The following SERPINE2 variants were observed in gnomAD, a reference collection of about 807,000 sequenced individuals.
SERPINE2 encodes the protein serpin family E member 2.
In SERPINE2, 14 loss-of-function variants were observed where a neutral mutation model predicts 36.3. The observed-to-expected ratio is 0.39, with a 90% CI of 0.25 to 0.60. SERPINE2 has a LOEUF of 0.60. SERPINE2 is among the 20% of genes least tolerant of loss of function. SERPINE2 has a pLI of 0.57. For missense variants in SERPINE2, 418 were observed against 499.6 expected (o/e 0.84, Z 1.56); for synonymous variants, 192 against 191.8 (o/e 1.00, Z -0.01).
intron 1 of SERPINE2, among the ~76,000 whole-genome samples, chr2:224,006,805 G>GA (rs748477937): frequency 1.3e-5 from 2 of 152,220 alleles, no homozygotes; most frequent in Non-Finnish European, 2.9e-5. Flanking sequence ...CAGGAAAAAT[G>GA]AAAAAGAGTG....
intron 1 of SERPINE2, among the ~76,000 whole-genome samples, chr2:224,016,238 G>A (rs930081951): frequency 6.6e-6 from 1 of 152,208 alleles, no homozygotes; most frequent in African/African-American, 2.4e-5. Flanking sequence ...AGTGGCTCAC[G>A]CCTGTAATCC....
chr2:223,983,819 T>C (rs910863206), intron 5 of SERPINE2, among the ~76,000 whole-genome samples: 3 of 151,424 alleles, frequency 2.0e-5, no homozygotes, highest in African/African-American at 7.3e-5. Context: ...TCTCATCCTG[T>C]GGAAGAGCAC....
At position 223,995,075 on chromosome 2, in the gene SERPINE2, T is replaced by A. The variant is rs115044265; in HGVS notation, c.487+3040A>T. Among the ~76,000 whole-genome samples, 631 of 152,192 alleles carry A rather than the reference T, an allele frequency of 4.1e-3. 4 individuals are homozygous for A. Among genetic ancestry groups the A allele is most frequent in the African/African-American group, 0.015 (610 of 41,512 alleles). On this transcript the variant is annotated intron_variant, in intron 3 of 8. Coordinates refer to ENST00000409304, the MANE Select transcript of SERPINE2 (RefSeq NM_001136528.2). Reference sequence around the variant, plus strand: ...GGAGAGAAGGCAGCAGGAGTGTATGTGTGCGGTTCTCCAACAGGAGACAGG... The same window carrying A: ...GGAGAGAAGGCAGCAGGAGTGTATGAGTGCGGTTCTCCAACAGGAGACAGG...
At chr2:224,033,484 G>C (rs1047369597) in intron 1 of SERPINE2, among the ~76,000 whole-genome samples, 4 of 152,044 alleles carry the variant, frequency 2.6e-5, no homozygotes, top group Admixed American at 6.6e-5. Flanking sequence ...AGAATTTATA[G>C]GTTTTAAAAA....
intron 1 of SERPINE2, among the ~76,000 whole-genome samples, chr2:224,005,377 T>G (rs1240579092): frequency 6.6e-6 from 1 of 152,042 alleles, no homozygotes; most frequent in Non-Finnish European, 1.5e-5. Context: ...TGTGCAGAAC[T>G]TGGAATCAGA....
chr2:223,978,099 T>G (rs1410702683), intron 7 of SERPINE2: 1 of 155,598 alleles, frequency 6.4e-6, no homozygotes, highest in East Asian at 1.9e-4. Flanking sequence ...TGGCGCGATC[T>G]TGGCTCACTG....
chr2:224,014,965 T>C (rs1290925978), intron 1 of SERPINE2, among the ~76,000 whole-genome samples: 1 of 152,056 alleles, frequency 6.6e-6, no homozygotes, highest in Non-Finnish European at 1.5e-5. Flanking sequence ...CAGGGAGCAT[T>C]TGGCACTATC....
intron 1 of SERPINE2, among the ~76,000 whole-genome samples, chr2:224,032,294 C>T (rs941328487): frequency 6.6e-6 from 1 of 152,184 alleles, no homozygotes; most frequent in African/African-American, 2.4e-5. Context: ...TGGCATTAAA[C>T]TCTTTCACAT....
At position 224,010,112 on chromosome 2, in the gene SERPINE2, T is replaced by C. The variant is rs542940963; in HGVS notation, c.-22-8190A>G. The stretch of plus-strand genomic sequence containing the variant: ...GGTTATCCTTGGGAAGTGTACTAAG[T>C]ACTAGCAAAATGACTCAGCATCTTT... On this transcript the variant is annotated intron_variant, in intron 1 of 8. Transcript: ENST00000409304. 2.0e-5 allele frequency among the ~76,000 whole-genome samples: 3 copies of C among 152,264 alleles called. No homozygotes were observed. The East Asian group carries it at 5.8e-4, about 29-fold the overall frequency.
chr2:223,998,040 C>A, intron 3 of SERPINE2, 75 bp downstream of exon 3: 1 of 1,231,682 alleles, frequency 8.1e-7, no homozygotes, highest in Non-Finnish European at 1.2e-6. Context: ...TTGCAGACAC[C>A]ACTTTGAACC....
intron 3 of SERPINE2, among the ~76,000 whole-genome samples, chr2:223,994,139 T>C (rs770463737): frequency 1.3e-5 from 2 of 152,200 alleles, no homozygotes; most frequent in African/African-American, 4.8e-5. Context: ...TAAAGCCCAA[T>C]GCCTGGCCCC....
At chr2:224,026,964 T>A (rs1384663365) in intron 1 of SERPINE2, among the ~76,000 whole-genome samples, 1 of 152,144 alleles carries the variant, frequency 6.6e-6, no homozygotes, top group East Asian at 1.9e-4. Context: ...TACAAATCAA[T>A]AAATACCAAT....
At chr2:224,019,106 T>C (rs1421251520) in intron 1 of SERPINE2, among the ~76,000 whole-genome samples, 1 of 152,204 alleles carries the variant, frequency 6.6e-6, no homozygotes, top group Non-Finnish European at 1.5e-5. Flanking sequence ...AAATACGTTC[T>C]AAGACCCTCA....
chr2:224,012,165 C>T (rs1435994239), intron 1 of SERPINE2, among the ~76,000 whole-genome samples: 2 of 152,290 alleles, frequency 1.3e-5, no homozygotes, highest in Middle Eastern at 3.4e-3. Context: ...TTGGTTTCTT[C>T]CCTTTCTAAT....
intron 1 of SERPINE2, chr2:224,031,384 TAG>T: frequency 1.0e-6 from 1 of 985,460 alleles, no homozygotes; most frequent in South Asian, 4.7e-5. Context: ...GGAGACCACA[TAG>T]AGATTCCGTT....
intron 3 of SERPINE2, among the ~76,000 whole-genome samples, chr2:223,995,475 A>G (rs771815837): frequency 3.9e-5 from 6 of 152,362 alleles, no homozygotes; most frequent in Middle Eastern, 3.4e-3. Flanking sequence ...GTCCCACCCA[A>G]TGAAGAATTG....
At chr2:223,997,186 C>T (rs11884535) in intron 3 of SERPINE2, among the ~76,000 whole-genome samples, 3 of 152,032 alleles carry the variant, frequency 2.0e-5, no homozygotes, top group Admixed American at 6.5e-5. Flanking sequence ...TGGACCTCCA[C>T]GTTACAAATT....
chr2:224,030,934 G>A (rs913227918), intron 1 of SERPINE2: 2 of 984,304 alleles, frequency 2.0e-6, no homozygotes, highest in Non-Finnish European at 1.2e-6. Flanking sequence ...TCTGAGGAAG[G>A]AACTAGGGGG....
chr2:224,027,215 G>A (rs183873223), intron 1 of SERPINE2, among the ~76,000 whole-genome samples: 5 of 152,272 alleles, frequency 3.3e-5, no homozygotes, highest in South Asian at 2.1e-4. Context: ...AAAGCTGGGC[G>A]TTACTCCCCT....
Sources: allele counts gnomAD v4.1 joint callset (sites outside exome capture counted in the v4.1 genomes callset), GRCh38; gene constraint gnomAD v4.1.1; transcripts MANE v1.5; gene names NCBI Gene and HGNC (gene_info 2026-07-23, HGNC 2026-07-21).